Variants in DOCK3 observed in about 807,000 individuals in gnomAD.
DOCK3 encodes dedicator of cytokinesis protein 3.
Under a neutral mutation model 265.6 loss-of-function variants are expected in DOCK3, and 60 were observed. The observed-to-expected ratio is 0.23, with a 90% CI of 0.18 to 0.28. The LOEUF (loss-of-function observed/expected upper bound fraction) is 0.28, where lower values mean the gene tolerates loss of function less well. Ranked by LOEUF, DOCK3 falls within the 10% of genes least tolerant of loss-of-function variation. DOCK3 has a pLI of 1.00. For missense variants in DOCK3, 1,981 were observed against 2,594.3 expected (o/e 0.76, Z 5.14); for synonymous variants, 881 against 938.0 (o/e 0.94, Z 1.11).
At chr3:51,315,904 C>T (rs1053480836) in intron 32 of DOCK3, among the ~76,000 whole-genome samples, 34 of 152,176 alleles carry the variant, frequency 2.2e-4, no homozygotes, top group South Asian at 6.2e-4. Context: ...AAGCTCCTTC[C>T]GAGCCTGTGA....
chr3:51,010,209 A>C (rs2078887117), intron 5 of DOCK3, among the ~76,000 whole-genome samples: 1 of 152,166 alleles, frequency 6.6e-6, no homozygotes, highest in African/African-American at 2.4e-5. Context: ...TCCAATGTTG[A>C]CAGTGGGCTG....
At chr3:50,956,531 C>T (rs904098790) in intron 5 of DOCK3, among the ~76,000 whole-genome samples, 7 of 152,178 alleles carry the variant, frequency 4.6e-5, no homozygotes, top group Non-Finnish European at 8.8e-5. Context: ...ATACTTTTGT[C>T]AATTTCAGTG....
chr3:51,149,059 A>G (rs1262905169), intron 10 of DOCK3, among the ~76,000 whole-genome samples: 1 of 152,134 alleles, frequency 6.6e-6, no homozygotes, highest in Non-Finnish European at 1.5e-5. Context: ...GGTCCTTCAC[A>G]TCCCTTGTAA....
At chr3:50,828,289 G>A (rs766875556) in intron 2 of DOCK3, among the ~76,000 whole-genome samples, 9 of 152,008 alleles carry the variant, frequency 5.9e-5, no homozygotes, top group Non-Finnish European at 1.2e-4. Flanking sequence ...TCCCCAGATC[G>A]CATGAACTTT....
chr3:51,278,047 T>C, intron 26 of DOCK3: 1 of 985,396 alleles, frequency 1.0e-6, no homozygotes, highest in African/African-American at 1.7e-5. Flanking sequence ...GAAGCTGGGA[T>C]GTATGTAAGA....
Position 51,238,681 on chromosome 3 carries a change from C to A in DOCK3, c.2102+1091C>A, listed in dbSNP as rs529748440. On this transcript the variant is annotated intron_variant, in intron 21 of 52. Coordinates refer to ENST00000266037, the MANE Select transcript of DOCK3 (RefSeq NM_004947.5). ...GTGTCCATGCATTCTCGTCATGTAG[C>A]TCCCACTTATAAGTGAGAACATGTG... Among the ~76,000 whole-genome samples, 22 of 152,198 alleles carry A rather than the reference C, an allele frequency of 1.4e-4. 1 individual carries two copies. Among genetic ancestry groups the A allele is most frequent in the Admixed American group, 1.3e-3 (20 of 15,276 alleles).
At chr3:50,956,061 C>T (rs148640546) in intron 5 of DOCK3, among the ~76,000 whole-genome samples, 1 of 145,760 alleles carries the variant, frequency 6.9e-6, no homozygotes, top group African/African-American at 2.6e-5. Flanking sequence ...CTGTGTGCCA[C>T]ATTTTTTTTT....
intron 2 of DOCK3, among the ~76,000 whole-genome samples, chr3:50,789,922 T>C (rs1576441004): frequency 6.6e-6 from 1 of 152,130 alleles, no homozygotes; most frequent in Non-Finnish European, 1.5e-5. Context: ...TTAGTAGAGA[T>C]GGGGTTTCGC....
chr3:50,829,685 A>G (rs574368857), intron 2 of DOCK3, among the ~76,000 whole-genome samples: 1 of 152,324 alleles, frequency 6.6e-6, no homozygotes, highest in Non-Finnish European at 1.5e-5. Flanking sequence ...TAATGCCCTT[A>G]CACAGCTGTT....
At chr3:50,939,684 A>G (rs1464793344) in intron 5 of DOCK3, among the ~76,000 whole-genome samples, 1 of 152,132 alleles carries the variant, frequency 6.6e-6, no homozygotes, top group Non-Finnish European at 1.5e-5. Flanking sequence ...GCACCCATTC[A>G]TGATAACAAC....
At chr3:51,131,062 C>T (rs1013946814) in intron 9 of DOCK3, among the ~76,000 whole-genome samples, 1 of 152,120 alleles carries the variant, frequency 6.6e-6, no homozygotes, top group Non-Finnish European at 1.5e-5. Flanking sequence ...TAATGGCTTC[C>T]ATCTGGCCTT....
At position 50,936,201 on chromosome 3, in the gene DOCK3, A is replaced by T. The variant is rs2051351547; in HGVS notation, c.315+2124A>T. On this transcript the variant is annotated intron_variant, in intron 5 of 52. Transcript: ENST00000266037. ...GGCTCAATAGCAGCCTATAGAAATT[A>T]TAGAGAAATGAACAGGTCAATTTGA... Among the ~76,000 whole-genome samples, 3 of 152,146 alleles carry T rather than the reference A, an allele frequency of 2.0e-5. No homozygotes were observed. In the South Asian group the frequency reaches 6.2e-4, roughly 32 times the overall value.
intron 5 of DOCK3, among the ~76,000 whole-genome samples, chr3:51,051,569 C>G (rs1265099824): frequency 6.6e-6 from 1 of 152,104 alleles, no homozygotes; most frequent in East Asian, 1.9e-4. Context: ...TTGAGGCACA[C>G]AAGTAGTAAA....
chr3:51,079,167 T>G (rs1474919304), intron 7 of DOCK3, among the ~76,000 whole-genome samples: 2 of 152,140 alleles, frequency 1.3e-5, no homozygotes, highest in African/African-American at 2.4e-5. Flanking sequence ...TTGTCATTGA[T>G]TTTAGGGAAA....
intron 1 of DOCK3, among the ~76,000 whole-genome samples, chr3:50,697,871 C>G (rs772678054): frequency 7.2e-5 from 11 of 151,994 alleles, no homozygotes; most frequent in Non-Finnish European, 1.5e-4. Flanking sequence ...TATATTTGGT[C>G]TTAGGTCCTA....
chr3:51,033,767 TGTG>T (rs368593267), intron 5 of DOCK3, among the ~76,000 whole-genome samples: 39 of 152,312 alleles, frequency 2.6e-4, no homozygotes, highest in African/African-American at 8.7e-4. Flanking sequence ...CACAAATTGA[TGTG>T]GTGGGTGGTC....
intron 12 of DOCK3, among the ~76,000 whole-genome samples, chr3:51,207,703 G>A (rs956526242): frequency 2.0e-5 from 3 of 152,092 alleles, no homozygotes; most frequent in Non-Finnish European, 4.4e-5. Context: ...CTATTGGATG[G>A]CACATTCTAT....
intron 3 of DOCK3, among the ~76,000 whole-genome samples, chr3:50,871,734 A>C (rs1300966987): frequency 6.6e-6 from 1 of 151,752 alleles, no homozygotes; most frequent in Admixed American, 6.6e-5. Context: ...TCCTTTGTGT[A>C]TTTTCAAATA....
intron 3 of DOCK3, among the ~76,000 whole-genome samples, chr3:50,859,508 G>A (rs940278107): frequency 2.0e-5 from 3 of 152,062 alleles, no homozygotes; most frequent in Non-Finnish European, 2.9e-5. Flanking sequence ...GAGCCACTGC[G>A]CCCGGCCCGG....
Sources: allele counts gnomAD v4.1 joint callset (sites outside exome capture counted in the v4.1 genomes callset), GRCh38; gene constraint gnomAD v4.1.1; transcripts MANE v1.5; gene names NCBI Gene and HGNC (gene_info 2026-07-23, HGNC 2026-07-21).